The following CIB4 variants were observed in gnomAD, a reference collection of about 807,000 sequenced individuals.
The protein encoded by CIB4 is calcium and integrin binding family member 4.
A neutral mutation model predicts 25.8 loss-of-function variants in CIB4; 25 were observed. The observed-to-expected ratio is 0.97, with a 90% CI of 0.71 to 1.35. The LOEUF (loss-of-function observed/expected upper bound fraction) is 1.35, where lower values mean the gene tolerates loss of function less well. Among genes scored for constraint, CIB4 ranks in the 40% most tolerant of loss-of-function variants. The pLI is 0.00. For missense variants in CIB4, 235 were observed against 228.2 expected (o/e 1.03, Z -0.19); for synonymous variants, 75 against 81.4 (o/e 0.92, Z 0.42).
At chr2:26,586,851 A>G (rs1668466927) in intron 4 of CIB4, among the ~76,000 whole-genome samples, 1 of 152,200 alleles carries the variant, frequency 6.6e-6, no homozygotes, top group Non-Finnish European at 1.5e-5. Context: ...TGGCCGATGA[A>G]GTGTAAGCAG....
At chr2:26,622,949 C>T (rs553310589) in intron 3 of CIB4, among the ~76,000 whole-genome samples, 4 of 151,928 alleles carry the variant, frequency 2.6e-5, no homozygotes, top group African/African-American at 9.7e-5. Context: ...TGCTTCTGCA[C>T]TCCAACATGG....
intron 3 of CIB4, among the ~76,000 whole-genome samples, chr2:26,599,869 T>C (rs1357714212): frequency 2.6e-5 from 4 of 151,050 alleles, no homozygotes; most frequent in Admixed American, 2.0e-4. Flanking sequence ...GGTCAGGAGA[T>C]CAAGACCATT....
At position 26,581,735 on chromosome 2, in the gene CIB4, G is replaced by C. The variant is rs552909763; in HGVS notation, c.528-342C>G. On this transcript the variant is annotated intron_variant, in intron 6 of 6. Transcript: ENST00000288861. ...GAACAAGAGGAGTTAGCTTTGGCTG[G>C]GGTGGTCCCAAGTGTGCATCCTTAG... Among the ~76,000 whole-genome samples, 16 of 152,304 alleles carry C rather than the reference G, an allele frequency of 1.1e-4. No homozygotes were observed. The South Asian group carries it at 2.3e-3, about 22-fold the overall frequency.
intron 3 of CIB4, among the ~76,000 whole-genome samples, chr2:26,620,259 G>A (rs1321513551): frequency 1.3e-5 from 2 of 152,234 alleles, no homozygotes; most frequent in Non-Finnish European, 2.9e-5. Context: ...CTCCATCCCG[G>A]AATCCCCTAC....
chr2:26,604,040 T>C (rs1668843922), intron 3 of CIB4, among the ~76,000 whole-genome samples: 1 of 143,020 alleles, frequency 7.0e-6, no homozygotes. Context: ...TGAAGAAAAC[T>C]ACATCAATGC....
intron 3 of CIB4, among the ~76,000 whole-genome samples, chr2:26,607,913 C>T (rs1182787477): frequency 1.3e-5 from 2 of 152,242 alleles, no homozygotes; most frequent in African/African-American, 4.8e-5. Context: ...GTGAATGTCA[C>T]CTCCACGTGA....
chr2:26,596,265 C>T (rs772009048), intron 3 of CIB4, among the ~76,000 whole-genome samples: 2 of 152,022 alleles, frequency 1.3e-5, no homozygotes, highest in Non-Finnish European at 2.9e-5. Context: ...AGGTACTCAT[C>T]GAGGGGGGTG....
chr2:26,607,381 A>G (rs1290032462), intron 3 of CIB4, among the ~76,000 whole-genome samples: 1 of 152,268 alleles, frequency 6.6e-6, no homozygotes, highest in African/African-American at 2.4e-5. Context: ...TCACTTGTTC[A>G]TCAACATCTA....
At chr2:26,614,442 C>T (rs1312820371) in intron 3 of CIB4, among the ~76,000 whole-genome samples, 1 of 152,204 alleles carries the variant, frequency 6.6e-6, no homozygotes, top group East Asian at 1.9e-4. Flanking sequence ...TAAATGATCC[C>T]ATTAGCGTGT....
Position 26,595,244 on chromosome 2 carries a change from C to G in CIB4, c.260G>C (p.Gly87Ala). The change falls in exon 4 of 7, where the codon GGC (glycine) becomes GCC (alanine). Residue 87 changes from glycine (G) to alanine (A), a missense_variant. Coordinates refer to ENST00000288861, the MANE Select transcript of CIB4 (RefSeq NM_001029881.3). ...KGMFSFEDVL[G>A]MASVFSEQAC... ...CTGCTCGCTGAACACAGATGCCATG[C>G]CCAGCACATCCTCAAAGGAGAACAT... is the stretch of plus-strand genomic sequence containing the variant. 1 of 1,614,148 alleles carries G rather than the reference C, an allele frequency of 6.2e-7. No homozygotes were observed. The highest frequency in any genetic ancestry group is 8.5e-7 in the Non-Finnish European group (1 of 1,180,006).
At chr2:26,590,273 A>G (rs1355469377) in intron 4 of CIB4, among the ~76,000 whole-genome samples, 1 of 151,248 alleles carries the variant, frequency 6.6e-6, no homozygotes, top group South Asian at 2.1e-4. Flanking sequence ...AAAAAAAAAA[A>G]AAAAAAAAAA....
chr2:26,606,561 G>C (rs1262023897), intron 3 of CIB4, among the ~76,000 whole-genome samples: 1 of 152,194 alleles, frequency 6.6e-6, no homozygotes, highest in Admixed American at 6.5e-5. Flanking sequence ...GGAGAAGGCA[G>C]CAGTGGGGTT....
chr2:26,588,987 C>A (rs1558554491), intron 4 of CIB4, among the ~76,000 whole-genome samples: 12 of 14,246 alleles, frequency 8.4e-4, no homozygotes, highest in Non-Finnish European at 3.3e-4. Flanking sequence ...CTTTCTTCTT[C>A]TTCTTCTTCT....
chr2:26,605,356 G>T (rs941479462), intron 3 of CIB4: 8 of 286,938 alleles, frequency 2.8e-5, no homozygotes, highest in African/African-American at 6.8e-5. Flanking sequence ...GTCACCGGGG[G>T]AAAGTGTATC....
chr2:26,582,979 G>A (rs1668377613), intron 5 of CIB4, 66 bp from the exon 6 acceptor site: 18 of 1,112,582 alleles, frequency 1.6e-5, no homozygotes, highest in Admixed American at 8.6e-5. Flanking sequence ...GGGGCACAGG[G>A]TGGAGGGGGA....
At chr2:26,633,603 G>A (rs910426434) in intron 2 of CIB4, among the ~76,000 whole-genome samples, 3 of 152,288 alleles carry the variant, frequency 2.0e-5, no homozygotes, top group South Asian at 4.2e-4. Flanking sequence ...TAGATGAATC[G>A]TGGCTGCATC....
At chr2:26,592,537 C>T (rs1481203418) in intron 4 of CIB4, among the ~76,000 whole-genome samples, 1 of 152,166 alleles carries the variant, frequency 6.6e-6, no homozygotes, top group South Asian at 2.1e-4. Context: ...CTTCAAATAT[C>T]TTTTCTGCAC....
At chr2:26,612,255 C>G (rs1177684084) in intron 3 of CIB4, among the ~76,000 whole-genome samples, 1 of 152,204 alleles carries the variant, frequency 6.6e-6, no homozygotes, top group African/African-American at 2.4e-5. Context: ...TGGCAGGAGA[C>G]AGGAATCCTA....
At chr2:26,639,609 T>C (rs2148230463) in intron 2 of CIB4, among the ~76,000 whole-genome samples, 1 of 152,228 alleles carries the variant, frequency 6.6e-6, no homozygotes, top group African/African-American at 2.4e-5. Context: ...AGTGAGTGAA[T>C]ATTATTTTCA....
Sources: gnomAD v4.1 joint callset for allele counts (sites outside exome capture counted in the v4.1 genomes callset) on GRCh38, gnomAD v4.1.1 for gene constraint, MANE v1.5 for transcripts, NCBI Gene and HGNC (gene_info 2026-07-23, HGNC 2026-07-21) for gene names.